Variants in ARHGAP21 observed in about 807,000 individuals in gnomAD.
The protein encoded by ARHGAP21 is Rho GTPase activating protein 21.
In ARHGAP21, 38 loss-of-function variants were observed where a neutral mutation model predicts 164.6. That is an observed-to-expected ratio of 0.23 (90% CI 0.18 to 0.30). ARHGAP21 has a LOEUF of 0.30. Among genes scored for constraint, ARHGAP21 ranks in the 10% least tolerant of loss-of-function variants. The probability of loss-of-function intolerance (pLI) is 1.00; values close to 1 mark genes in which losing one functional copy is unlikely to be tolerated. For synonymous variants in ARHGAP21, 766 were observed against 857.9 expected (o/e 0.89, Z 1.87); for missense variants, 1,822 against 2,370.7 (o/e 0.77, Z 4.81).
At chr10:24,682,307 G>A (rs1211845091) in intron 2 of ARHGAP21, among the ~76,000 whole-genome samples, 1 of 152,140 alleles carries the variant, frequency 6.6e-6, no homozygotes, top group African/African-American at 2.4e-5. Context: ...GGAAAAACAG[G>A]CTTGCTGTGA....
intron 9 of ARHGAP21, among the ~76,000 whole-genome samples, chr10:24,610,751 A>T (rs1022589073): frequency 6.6e-6 from 1 of 152,228 alleles, no homozygotes; most frequent in South Asian, 2.1e-4. Context: ...GAAAATTCAT[A>T]CATGTTACAT....
At chr10:24,716,267 G>A (rs1312917398) in intron 2 of ARHGAP21, among the ~76,000 whole-genome samples, 1 of 152,202 alleles carries the variant, frequency 6.6e-6, no homozygotes, top group Non-Finnish European at 1.5e-5. Flanking sequence ...GCCGGGTGGA[G>A]ACTAAGTGAT....
rs756635714 is a variant in ARHGAP21, at chr10:24,595,805, C to T, written c.3634-10G>A. The T allele has an allele frequency of 5.6e-6, 9 of 1,611,968 alleles. No homozygotes were observed. Among genetic ancestry groups the T allele is most frequent in the Non-Finnish European group, 7.6e-6 (9 of 1,179,240 alleles). ...TCAAATCTCGCCATTTCTAGGTGTA[C>T]AAAATAGAAATATAGTATTTTCATA... On this transcript the variant is annotated splice_polypyrimidine_tract_variant and intron_variant, in intron 18 of 25. Transcript: ENST00000396432.
At chr10:24,628,160 T>C (rs1835327053) in intron 7 of ARHGAP21, among the ~76,000 whole-genome samples, 1 of 152,230 alleles carries the variant, frequency 6.6e-6, no homozygotes, top group South Asian at 2.1e-4. Context: ...GTCTGCTACA[T>C]GATCACTATG....
In ARHGAP21 at chr10:24,607,866, T is replaced by G; in HGVS notation, c.2460A>C (p.Ala820=). ...ATATAACAGCAGAGGCAGGGATATG[T>G]GCAATATCATGATCAATGCTAGGGC... The part of the protein sequence containing the change: ...PTSPSIDHDI[A]HIPASAVISA... The change falls in exon 10 of 26, where the codon GCA becomes GCC. Residue 820 remains alanine, a synonymous_variant. Transcript: ENST00000396432. 3 of 1,613,892 alleles carry G rather than the reference T, an allele frequency of 1.9e-6. No individual in the cohort carries two copies. The highest frequency in any genetic ancestry group is 2.5e-6 in the Non-Finnish European group (3 of 1,179,930).
rs1356596637 is a variant in ARHGAP21 at position 24,621,339 on chromosome 10, T to G, written c.556A>C (p.Asn186His). The change falls in exon 9 of 26, where the codon AAC (asparagine) becomes CAC (histidine). Residue 186 changes from asparagine to histidine, a missense_variant. Transcript: ENST00000396432. ...AYSQDAYLKG[N>H]EAYSGNARNI... The stretch of plus-strand genomic sequence containing the variant: ...CGGGCATTGCCGCTATAAGCTTCGT[T>G]GCCTTTCAGGTAGGCATCTTGAGAA... The G allele has an allele frequency of 2.5e-6, 4 of 1,606,946 alleles. No homozygotes were observed. The highest frequency in any genetic ancestry group is 1.3e-5 in the African/African-American group (1 of 74,826).
At chr10:24,653,482 AG>A (rs961626263) in intron 4 of ARHGAP21, among the ~76,000 whole-genome samples, 4 of 152,154 alleles carry the variant, frequency 2.6e-5, no homozygotes, top group African/African-American at 9.7e-5. Flanking sequence ...AGGCTGAGGC[AG>A]AATGGTGTGA....
rs546501502 is a variant in ARHGAP21, at chr10:24,653,783, T to C, written c.268+13202A>G. ...ATAAATGGAATCAGATAGTACTCTTTTGTGCTTGATTTCTTCCACTCATCA... is the reference window on the plus strand; with the variant it reads ...ATAAATGGAATCAGATAGTACTCTTCTGTGCTTGATTTCTTCCACTCATCA... On this transcript the variant is annotated intron_variant, in intron 4 of 25. Transcript: ENST00000396432. Among the ~76,000 whole-genome samples the C allele has an allele frequency of 1.2e-4, 19 of 152,290 alleles. No homozygotes were observed. The East Asian group carries it at 2.9e-3, about 23-fold the overall frequency.
chr10:24,626,517 C>G (rs560506510), intron 7 of ARHGAP21, among the ~76,000 whole-genome samples: 15 of 152,236 alleles, frequency 9.9e-5, no homozygotes, highest in African/African-American at 3.6e-4. Context: ...AATGGGCCCT[C>G]ACGAGACACC....
chr10:24,615,031 A>G (rs1001802280), intron 9 of ARHGAP21, among the ~76,000 whole-genome samples: 2 of 151,868 alleles, frequency 1.3e-5, no homozygotes, highest in African/African-American at 4.8e-5. Context: ...TCTACTAAAA[A>G]TACAAAAAAT....
At chr10:24,656,580 C>G (rs1838986462) in intron 4 of ARHGAP21, among the ~76,000 whole-genome samples, 1 of 100,694 alleles carries the variant, frequency 9.9e-6, no homozygotes, top group Non-Finnish European at 2.0e-5. Context: ...GGGGTCAGCC[C>G]TCCGCCCAGC....
rs374544127 is a variant in ARHGAP21, at chr10:24,662,135, A to G, written c.268+4850T>C. On this transcript the variant is annotated intron_variant, in intron 4 of 25. Coordinates refer to ENST00000396432, the MANE Select transcript of ARHGAP21 (RefSeq NM_020824.4). ...CCTGCAAAGTGTTCACAGCCTCTAA[A>G]CCTGGGATCTCCTTGACCTTTCTCC... Among the ~76,000 whole-genome samples, 14 of 152,258 alleles carry G rather than the reference A, an allele frequency of 9.2e-5. No homozygotes were observed. In the South Asian group the frequency reaches 2.3e-3, roughly 25 times the overall value.
chr10:24,684,083 T>C (rs1040631649), intron 2 of ARHGAP21, among the ~76,000 whole-genome samples: 6 of 152,132 alleles, frequency 3.9e-5, no homozygotes, highest in African/African-American at 1.2e-4. Context: ...GGTCAGGAAT[T>C]TGAGACCAGC....
At chr10:24,616,038 A>T (rs1260795378) in intron 9 of ARHGAP21, among the ~76,000 whole-genome samples, 1 of 152,160 alleles carries the variant, frequency 6.6e-6, no homozygotes, top group Admixed American at 6.5e-5. Flanking sequence ...TCAGCCTCCC[A>T]AAGTGCTGGG....
intron 4 of ARHGAP21, among the ~76,000 whole-genome samples, chr10:24,656,550 T>C (rs369148717): frequency 0.24 from 13,132 of 54,906 alleles, 958 homozygotes; most frequent in South Asian, 0.34. Context: ...CCAGCCGCCC[T>C]GTCCGGGAGG....
chr10:24,584,462 T>C lies in ARHGAP21; in HGVS notation c.5827A>G (p.Lys1943Glu), dbSNP rs1241610902. Residue 1943 changes from lysine to glutamate, a missense_variant, in exon 26 of 26, where the codon AAA becomes GAA. By Grantham distance (56) the Lys-to-Glu change is moderately conservative. This residue lies in a region of ARHGAP21 where 165 missense variants were observed against 176.6 expected (regional missense o/e 0.93). Coordinates refer to ENST00000396432, the MANE Select transcript of ARHGAP21 (RefSeq NM_020824.4). Reference protein sequence around the residue: ...ASSAANAQPHKLSETPGSKAE... With the variant: ...ASSAANAQPHELSETPGSKAE... ...TTACTGCCTGGGGTTTCAGACAGTT[T>C]ATGAGGTTGGGCATTCGCTGCAGAA... is the stretch of plus-strand genomic sequence containing the variant. 1 of 1,613,684 alleles carries C rather than the reference T, an allele frequency of 6.2e-7. No homozygotes were observed. The highest frequency in any genetic ancestry group is 1.3e-5 in the African/African-American group (1 of 74,896).
chr10:24,672,303 C>T (rs1191499469), intron 2 of ARHGAP21, among the ~76,000 whole-genome samples: 1 of 152,098 alleles, frequency 6.6e-6, no homozygotes, highest in Non-Finnish European at 1.5e-5. Context: ...GTCACCTCCT[C>T]CTTCTTGAAG....
intron 4 of ARHGAP21, among the ~76,000 whole-genome samples, chr10:24,651,330 C>T (rs1423856958): frequency 6.6e-6 from 1 of 152,166 alleles, no homozygotes; most frequent in Non-Finnish European, 1.5e-5. Flanking sequence ...GGGGCCCTTC[C>T]TACCAATTCT....
chr10:24,608,467 T>C (rs532981883), intron 9 of ARHGAP21, among the ~76,000 whole-genome samples: 4 of 152,308 alleles, frequency 2.6e-5, no homozygotes, highest in Admixed American at 1.3e-4. Flanking sequence ...ACATCAGTGA[T>C]TTAAATTCTA....
Sources: gnomAD v4.1 joint callset for allele counts (sites outside exome capture counted in the v4.1 genomes callset) on GRCh38, gnomAD v4.1.1 for gene constraint, gnomAD v4.1.1 regional missense constraint, MANE v1.5 for transcripts, NCBI Gene and HGNC (gene_info 2026-07-23, HGNC 2026-07-21) for gene names.